PTPRO: variants seen among roughly 807,000 people sequenced by gnomAD.
PTPRO encodes receptor-type tyrosine-protein phosphatase O.
In PTPRO, 62 loss-of-function variants were observed where a neutral mutation model predicts 145.2. The observed-to-expected ratio is 0.43, with a 90% CI of 0.35 to 0.53. The LOEUF is 0.53. PTPRO is among the 20% of genes least tolerant of loss of function. PTPRO has a pLI of 0.01. For synonymous variants in PTPRO, 565 were observed against 514.7 expected (o/e 1.10, Z -1.32); for missense variants, 1,345 against 1,482.7 (o/e 0.91, Z 1.53).
intron 12 of PTPRO, among the ~76,000 whole-genome samples, chr12:15,528,388 G>A (rs1942888089): frequency 6.6e-6 from 1 of 151,412 alleles, no homozygotes; most frequent in Non-Finnish European, 1.5e-5. Context: ...TAGCCAGCAT[G>A]GTGGCGGGTG....
At chr12:15,557,955 G>A (rs572090284) in intron 16 of PTPRO, among the ~76,000 whole-genome samples, 67 of 151,932 alleles carry the variant, frequency 4.4e-4, no homozygotes, top group South Asian at 6.3e-4. Context: ...TTTTTGAGGA[G>A]ACAGAATCTC....
At chr12:15,540,866 A>G (rs1415572294) in intron 12 of PTPRO, among the ~76,000 whole-genome samples, 2 of 152,210 alleles carry the variant, frequency 1.3e-5, no homozygotes, top group African/African-American at 2.4e-5. Context: ...TATTCTATGC[A>G]TTGTACTTGA....
chr12:15,586,774 A>G, intron 23 of PTPRO, 123 bp from the exon 24 acceptor site: 1 of 1,066,822 alleles, frequency 9.4e-7, no homozygotes, highest in Non-Finnish European at 1.4e-6. Context: ...GCTGGAAAGG[A>G]AAGTGTACTG....
At chr12:15,559,133 T>C (rs532390799) in intron 16 of PTPRO, among the ~76,000 whole-genome samples, 6 of 152,178 alleles carry the variant, frequency 3.9e-5, no homozygotes, top group Admixed American at 2.0e-4. Context: ...TACTTGTGAC[T>C]CATGAGAGAT....
Position 15,484,328 on chromosome 12 carries a change from C to A in PTPRO, c.349+81C>A, listed in dbSNP as rs888706566. The A allele has an allele frequency of 4.7e-5, 72 of 1,535,838 alleles. No homozygotes were observed. In the Admixed American group the frequency reaches 1.2e-3, roughly 26 times the overall value. ...CCGTAGGGCTCGAATTGACAGACTC[C>A]ACCCAGAATGGCAAAATCACTTGCC... is the stretch of plus-strand genomic sequence containing the variant. On this transcript the variant is annotated intron_variant, in intron 2 of 26. Transcript: ENST00000281171.
intron 2 of PTPRO, among the ~76,000 whole-genome samples, chr12:15,490,600 G>GA (rs1941980917): frequency 6.6e-6 from 1 of 152,200 alleles, no homozygotes; most frequent in Non-Finnish European, 1.5e-5. Context: ...CTTGTGGACT[G>GA]TAGTTTGCTC....
intron 1 of PTPRO, among the ~76,000 whole-genome samples, chr12:15,402,645 G>T (rs958116105): frequency 1.3e-5 from 2 of 151,996 alleles, no homozygotes; most frequent in African/African-American, 4.8e-5. Flanking sequence ...AATATATATT[G>T]TTCAAATTTT....
chr12:15,463,419 T>G (rs904532228), intron 1 of PTPRO, among the ~76,000 whole-genome samples: 4 of 152,226 alleles, frequency 2.6e-5, no homozygotes, highest in Non-Finnish European at 5.9e-5. Flanking sequence ...ATCTATGATT[T>G]TTTTAAGAAT....
chr12:15,515,995 T>TTTTTTTTTTTTTTG (rs1942573472), intron 8 of PTPRO, among the ~76,000 whole-genome samples: 1 of 137,056 alleles, frequency 7.3e-6, no homozygotes, highest in African/African-American at 2.7e-5. Context: ...TTGTTTTGTT[T>TTTTTTTTTTTTTTG]TTTTTTTTTT....
chr12:15,555,754 C>T (rs1943604886), intron 15 of PTPRO, among the ~76,000 whole-genome samples: 1 of 152,124 alleles, frequency 6.6e-6, no homozygotes, highest in Admixed American at 6.5e-5. Context: ...TCCTTTTTGG[C>T]AGTCTGGTGA....
chr12:15,557,095 C>A (rs1228883113), intron 15 of PTPRO, among the ~76,000 whole-genome samples: 3 of 149,910 alleles, frequency 2.0e-5, no homozygotes, highest in African/African-American at 7.4e-5. Context: ...GGCTGGAGTG[C>A]GGTGGCGCGA....
At chr12:15,553,019 C>T (rs940125904) in intron 15 of PTPRO, among the ~76,000 whole-genome samples, 7 of 151,932 alleles carry the variant, frequency 4.6e-5, no homozygotes, top group Admixed American at 1.3e-4. Context: ...AGGCTTGTCT[C>T]GAACTCCTGA....
chr12:15,420,676 T>A (rs960268373), intron 1 of PTPRO, among the ~76,000 whole-genome samples: 1 of 148,116 alleles, frequency 6.8e-6, no homozygotes, highest in South Asian at 2.1e-4. Context: ...CATGTTATTA[T>A]AACTACACTG....
chr12:15,515,144 A>G (rs1234968841), intron 7 of PTPRO, among the ~76,000 whole-genome samples: 1 of 152,178 alleles, frequency 6.6e-6, no homozygotes, highest in Non-Finnish European at 1.5e-5. Flanking sequence ...TGACCTTTGT[A>G]TGTAATCAGC....
chr12:15,550,428 T>C (rs1329612016), intron 14 of PTPRO, among the ~76,000 whole-genome samples: 1 of 152,152 alleles, frequency 6.6e-6, no homozygotes, highest in Non-Finnish European at 1.5e-5. Context: ...ATAATCCATA[T>C]ATATGTGAAC....
At chr12:15,434,726 T>A (rs1418097357) in intron 1 of PTPRO, among the ~76,000 whole-genome samples, 2 of 152,194 alleles carry the variant, frequency 1.3e-5, no homozygotes, top group East Asian at 1.9e-4. Context: ...ATAAAGTGAA[T>A]GTCTGTGAAG....
At chr12:15,532,943 G>A (rs1942991802) in intron 12 of PTPRO, among the ~76,000 whole-genome samples, 1 of 152,080 alleles carries the variant, frequency 6.6e-6, no homozygotes, top group African/African-American at 2.4e-5. Flanking sequence ...TGGTTTTTCA[G>A]TCTCCCTTAA....
chr12:15,331,969 T>TC (rs1393962467), intron 1 of PTPRO, among the ~76,000 whole-genome samples: 3 of 145,264 alleles, frequency 2.1e-5, no homozygotes, highest in African/African-American at 7.6e-5. Flanking sequence ...TTTCTTTTTT[T>TC]TTTTTTTTTT....
chr12:15,550,726 G>T (rs1943434024), intron 14 of PTPRO, among the ~76,000 whole-genome samples: 1 of 152,160 alleles, frequency 6.6e-6, no homozygotes, highest in Non-Finnish European at 1.5e-5. Context: ...CAGAACCTTA[G>T]GGATCAGATG....
Sources: gnomAD v4.1 joint callset for allele counts (sites outside exome capture counted in the v4.1 genomes callset) on GRCh38, gnomAD v4.1.1 for gene constraint, MANE v1.5 for transcripts, NCBI Gene and HGNC (gene_info 2026-07-23, HGNC 2026-07-21) for gene names.